The following FAM200B variants were observed in gnomAD, a reference collection of about 807,000 sequenced individuals.
The protein encoded by FAM200B is protein FAM200B.
FAM200B carries 32 observed loss-of-function variants against 33.1 expected under a neutral mutation model. That is an observed-to-expected ratio of 0.97 (90% CI 0.73 to 1.30). The LOEUF is 1.30. Ranked by LOEUF, FAM200B falls within the 50% of genes most tolerant of loss-of-function variation. The pLI, the probability that FAM200B is intolerant of heterozygous loss-of-function variation, is 0.00. For synonymous variants in FAM200B, 240 were observed against 264.8 expected, an observed-to-expected ratio of 0.91 and a Z score of 0.91; for missense variants, 741 against 754.0, an observed-to-expected ratio of 0.98 and a Z score of 0.20.
the FAM200B span, among the ~76,000 whole-genome samples, chr4:15,669,977 CATT>C: frequency 6.6e-6 from 1 of 152,062 alleles, no homozygotes; most frequent in Non-Finnish European, 1.5e-5. Context: ...TGGAAAAGGA[CATT>C]ATTATAGAAA....
chr4:15,640,405 A>C, the FAM200B span, among the ~76,000 whole-genome samples: 1 of 151,536 alleles, frequency 6.6e-6, no homozygotes, highest in Non-Finnish European at 1.5e-5. Flanking sequence ...AAAAAAAAAA[A>C]AAAAACATGA....
At chr4:15,678,351 C>T (rs2148831123), upstream of FAM200B, among the ~76,000 whole-genome samples, 1 of 152,244 alleles carries the variant, frequency 6.6e-6, no homozygotes, top group South Asian at 2.1e-4. Flanking sequence ...CAGAATTTGG[C>T]ACATCAAAAA....
chr4:15,641,732 GTTAACA>G, the FAM200B span: 2 of 393,790 alleles, frequency 5.1e-6, no homozygotes, highest in Non-Finnish European at 9.9e-6. Flanking sequence ...AACTGTACCT[GTTAACA>G]TTATCCTGCC....
the FAM200B span, among the ~76,000 whole-genome samples, chr4:15,652,259 T>C: frequency 2.6e-5 from 4 of 152,280 alleles, no homozygotes; most frequent in African/African-American, 7.2e-5. Context: ...TCTTAGCAGA[T>C]TGTTCCCAAA....
chr4:15,685,838 G>A (rs1057185394), intron 1 of FAM200B, among the ~76,000 whole-genome samples: 3 of 152,150 alleles, frequency 2.0e-5, no homozygotes, highest in Admixed American at 6.5e-5. Flanking sequence ...CTACTGTTAT[G>A]GTCATAAGAC....
chr4:15,655,196 T>C, the FAM200B span: 1 of 1,410,348 alleles, frequency 7.1e-7, no homozygotes. Flanking sequence ...GGCTCAGCGC[T>C]CCGTTACCTT....
upstream of FAM200B, among the ~76,000 whole-genome samples, chr4:15,677,870 T>C (rs957394909): frequency 7.9e-5 from 12 of 152,216 alleles, no homozygotes; most frequent in East Asian, 1.9e-4. Flanking sequence ...TCCAAGTAGG[T>C]TGGGAATACC....
chr4:15,640,610 GAAAAC>G, the FAM200B span, among the ~76,000 whole-genome samples: 10 of 151,422 alleles, frequency 6.6e-5, no homozygotes, highest in South Asian at 6.2e-4. Context: ...ACCTTTCTGA[GAAAAC>G]AAAACAAACG....
chr4:15,684,549 T>C (rs1405685903), intron 1 of FAM200B: 1 of 152,214 alleles, frequency 6.6e-6, no homozygotes, highest in African/African-American at 2.4e-5. Context: ...AGTTGAAGCA[T>C]TAAAACATGT....
In FAM200B at chr4:15,687,898, C is replaced by T; in HGVS notation, c.921C>T (p.Ser307=). 1.9e-6 allele frequency: 3 copies of T among 1,550,392 alleles called. No homozygotes were observed. The highest frequency in any genetic ancestry group is 1.7e-6 in the Non-Finnish European group (2 of 1,146,118). The change falls in exon 2 of 2, where the codon AGC becomes AGT. Residue 307 remains serine (S), a synonymous_variant. Transcript: ENST00000422728. ...DGTATMTGKH[S]RVIKKLLEVT... ...CAGCAACCATGACTGGAAAACATAG[C>T]AGAGTAATTAAAAAATTACTAGAAG...
At chr4:15,646,257 C>A in the FAM200B span, among the ~76,000 whole-genome samples, 1 of 152,076 alleles carries the variant, frequency 6.6e-6, no homozygotes, top group Non-Finnish European at 1.5e-5. Context: ...TCACAAAATA[C>A]TATTCTTCTT....
At chr4:15,669,887 C>T in the FAM200B span, among the ~76,000 whole-genome samples, 2 of 152,084 alleles carry the variant, frequency 1.3e-5, no homozygotes, top group Non-Finnish European at 2.9e-5. Context: ...TCCAACTTAT[C>T]CAAGGGTTCC....
At chr4:15,670,005 A>C in the FAM200B span, among the ~76,000 whole-genome samples, 8 of 152,234 alleles carry the variant, frequency 5.3e-5, no homozygotes, top group Non-Finnish European at 1.2e-4. Context: ...GAAAGAAATA[A>C]AATTAGAGCT....
At chr4:15,661,615 C>T in the FAM200B span, among the ~76,000 whole-genome samples, 2 of 152,168 alleles carry the variant, frequency 1.3e-5, no homozygotes, top group Non-Finnish European at 2.9e-5. Context: ...ATAACAGTGC[C>T]TTAAGCAAGA....
At chr4:15,641,461 A>T in the FAM200B span, 1 of 343,170 alleles carries the variant, frequency 2.9e-6, no homozygotes, top group Non-Finnish European at 5.5e-6. Context: ...CCACTTAATA[A>T]ATAGTGAATA....
chr4:15,688,229 A>T lies in FAM200B; in HGVS notation c.1252A>T (p.Ser418Cys). 1.3e-6 allele frequency: 2 copies of T among 1,550,706 alleles called. No individual in the cohort carries two copies. Among genetic ancestry groups the T allele is most frequent in the Non-Finnish European group, 1.7e-6 (2 of 1,146,342 alleles). The change falls in exon 2 of 2, where the codon AGT (serine) becomes TGT (cysteine). Residue 418 changes from serine to cysteine, a missense_variant. Transcript: ENST00000422728. The part of the protein sequence containing the change: ...FLIEKKSHLA[S>C]IFEDDTWVTK... ...CATTGAAAAAAAATCTCATTTGGCA[A>T]GTATTTTTGAAGATGATACTTGGGT...
chr4:15,652,533 C>T, the FAM200B span, among the ~76,000 whole-genome samples: 2 of 152,102 alleles, frequency 1.3e-5, no homozygotes, highest in South Asian at 2.1e-4. Flanking sequence ...AGTATTAAAT[C>T]GGGTATTGTA....
At chr4:15,666,948 T>C in the FAM200B span, among the ~76,000 whole-genome samples, 2 of 152,038 alleles carry the variant, frequency 1.3e-5, no homozygotes, top group Non-Finnish European at 2.9e-5. Flanking sequence ...TGTAGACATA[T>C]ATCAAAACAT....
At chr4:15,649,453 G>A in the FAM200B span, among the ~76,000 whole-genome samples, 20 of 151,574 alleles carry the variant, frequency 1.3e-4, no homozygotes, top group African/African-American at 3.6e-4. Context: ...GTTAGCACAC[G>A]CCTGTAGACC....
Sources: allele counts gnomAD v4.1 joint callset (sites outside exome capture counted in the v4.1 genomes callset), GRCh38; gene constraint gnomAD v4.1.1; transcripts MANE v1.5; gene names NCBI Gene and HGNC (gene_info 2026-07-23, HGNC 2026-07-21).